Variants in FKTN observed in about 807,000 individuals in gnomAD.
FKTN encodes fukutin, also known as ribitol-5-phosphate transferase FKTN.
A neutral mutation model predicts 58.6 loss-of-function variants in FKTN; 47 were observed. The ratio of observed to expected loss-of-function variants is 0.80; its 90% confidence interval spans 0.63 to 1.02. FKTN has a LOEUF of 1.02. FKTN is among the 50% of genes least tolerant of loss of function. The pLI is 0.00. For missense variants in FKTN, 516 were observed against 537.3 expected (o/e 0.96, Z 0.39); for synonymous variants, 178 against 191.9 (o/e 0.93, Z 0.60).
intron 3 of FKTN, among the ~76,000 whole-genome samples, chr9:105,575,880 G>A (rs1841582597): frequency 6.6e-6 from 1 of 152,060 alleles, no homozygotes. Context: ...TTTATGTTGG[G>A]CTTGACCAGT....
chr9:105,560,416 T>C (rs1187924930), intron 1 of FKTN, among the ~76,000 whole-genome samples: 1 of 152,188 alleles, frequency 6.6e-6, no homozygotes, highest in Admixed American at 6.6e-5. Flanking sequence ...AGAATCTAGA[T>C]CCTGTTTAGC....
At chr9:105,599,929 C>A (rs968888949) in intron 4 of FKTN, among the ~76,000 whole-genome samples, 5 of 151,448 alleles carry the variant, frequency 3.3e-5, no homozygotes, top group Middle Eastern at 3.5e-3. Context: ...CTGTCTAAGT[C>A]TGAAGTTTTT....
intron 3 of FKTN, among the ~76,000 whole-genome samples, chr9:105,583,511 G>A (rs781355900): frequency 9.2e-5 from 14 of 152,066 alleles, no homozygotes; most frequent in Non-Finnish European, 1.9e-4. Context: ...GTTCTTTTTA[G>A]TTGTATTCTT....
intron 1 of FKTN, among the ~76,000 whole-genome samples, chr9:105,560,394 T>C (rs576260346): frequency 1.3e-5 from 2 of 152,222 alleles, no homozygotes; most frequent in Non-Finnish European, 2.9e-5. Context: ...AGGACCATAC[T>C]TTTAAGTGAC....
At chr9:105,606,600 T>G (rs1828927294) in intron 6 of FKTN, among the ~76,000 whole-genome samples, 1 of 151,318 alleles carries the variant, frequency 6.6e-6, no homozygotes, top group African/African-American at 2.4e-5. Flanking sequence ...AAACTCCTTC[T>G]TAGTAACTTC....
intron 1 of FKTN, among the ~76,000 whole-genome samples, chr9:105,565,768 G>C (rs1441068689): frequency 8.5e-5 from 13 of 152,108 alleles, no homozygotes; most frequent in Non-Finnish European, 1.9e-4. Flanking sequence ...AGGATATCCA[G>C]GAATTGAACT....
At chr9:105,570,238 G>T (rs1026289306) in intron 1 of FKTN, among the ~76,000 whole-genome samples, 6 of 152,004 alleles carry the variant, frequency 3.9e-5, no homozygotes, top group Admixed American at 3.3e-4. Context: ...TGAGCATTGT[G>T]CAGTGTATTT....
chr9:105,580,556 C>G (rs1160060254), intron 3 of FKTN, among the ~76,000 whole-genome samples: 4 of 104,110 alleles, frequency 3.8e-5, no homozygotes, highest in African/African-American at 1.5e-4. Context: ...TGATGGGCTT[C>G]CCTTTGAGGG....
In FKTN at chr9:105,579,415, C is replaced by T. The variant is rs369199215; in HGVS notation, c.105+4278C>T. Among the ~76,000 whole-genome samples the T allele has an allele frequency of 3.9e-3, 595 of 151,930 alleles. 4 individuals carry two copies. Among genetic ancestry groups the T allele is most frequent in the Middle Eastern group, 0.01 (3 of 294 alleles). On this transcript the variant is annotated intron_variant, in intron 3 of 10. Transcript: ENST00000357998. ...AACATCTTTATTTCTGCCTTCATTT[C>T]GTTATGTACCCAGTAGTCATTCAGG...
chr9:105,628,074 C>G (rs942405265), intron 10 of FKTN, among the ~76,000 whole-genome samples: 12 of 152,218 alleles, frequency 7.9e-5, no homozygotes, highest in South Asian at 2.1e-4. Flanking sequence ...CTCATTGTCT[C>G]TCTCAGCTTC....
chr9:105,638,160 A>C lies in FKTN; in HGVS notation c.*2896A>C, dbSNP rs2133475521. The C allele has an allele frequency of 1.0e-6, 1 of 985,396 alleles. No individual in the cohort carries two copies. 61.0% of individuals were successfully genotyped at this position (985,396 alleles called of 1,614,324 possible). ...CAAGAACAGCTGAGGCTAAAACCCA[A>C]GACTGCCGTGACTCCTAGTCCAATG... On this transcript the variant is annotated 3_prime_UTR_variant, in exon 11 of 11. Coordinates refer to ENST00000357998, the MANE Select transcript of FKTN (RefSeq NM_001079802.2).
At chr9:105,609,650 A>G (rs895560166) in intron 7 of FKTN, among the ~76,000 whole-genome samples, 9 of 152,172 alleles carry the variant, frequency 5.9e-5, no homozygotes, top group African/African-American at 1.9e-4. Context: ...GAAGATTACA[A>G]GCCAGATGTT....
At chr9:105,603,391 C>A (rs920540349) in intron 5 of FKTN, among the ~76,000 whole-genome samples, 45 of 152,184 alleles carry the variant, frequency 3.0e-4, no homozygotes, top group African/African-American at 1.1e-3. Context: ...GGAAAATGAA[C>A]CTTGTCTTAC....
intron 6 of FKTN, among the ~76,000 whole-genome samples, chr9:105,606,682 T>A (rs965180733): frequency 3.6e-4 from 35 of 96,144 alleles, no homozygotes; most frequent in South Asian, 2.1e-3. Context: ...CTTTTAAAAA[T>A]ATATATATAT....
chr9:105,600,734 C>T (rs528734944), intron 4 of FKTN, among the ~76,000 whole-genome samples: 33 of 152,082 alleles, frequency 2.2e-4, no homozygotes, highest in African/African-American at 4.8e-4. Flanking sequence ...TAAAAGCTGA[C>T]GGATAGTTCT....
chr9:105,564,747 T>A (rs1839048181), intron 1 of FKTN, among the ~76,000 whole-genome samples: 1 of 152,134 alleles, frequency 6.6e-6, no homozygotes, highest in Non-Finnish European at 1.5e-5. Context: ...CAGGAGAACT[T>A]CCCCAACCTA....
At chr9:105,626,842 A>G (rs1160882964) in intron 10 of FKTN, among the ~76,000 whole-genome samples, 1 of 152,130 alleles carries the variant, frequency 6.6e-6, no homozygotes, top group African/African-American at 2.4e-5. Flanking sequence ...TAATGAAGGC[A>G]AGTTCATGTT....
intron 3 of FKTN, among the ~76,000 whole-genome samples, chr9:105,593,545 A>G (rs1413513110): frequency 1.3e-5 from 2 of 152,176 alleles, no homozygotes; most frequent in Non-Finnish European, 1.5e-5. Context: ...TTGTAAGCAT[A>G]TAGATGGTGT....
chr9:105,606,249 A>C (rs1828869305), intron 6 of FKTN, among the ~76,000 whole-genome samples: 1 of 152,040 alleles, frequency 6.6e-6, no homozygotes, highest in African/African-American at 2.4e-5. Flanking sequence ...TTTACTTTAT[A>C]ATTCATTATT....
Sources: allele counts gnomAD v4.1 joint callset (sites outside exome capture counted in the v4.1 genomes callset), GRCh38; gene constraint gnomAD v4.1.1; transcripts MANE v1.5; gene names NCBI Gene and HGNC (gene_info 2026-07-23, HGNC 2026-07-21).